The following ESYT2 variants were observed in gnomAD, a reference collection of about 807,000 sequenced individuals.
ESYT2 encodes extended synaptotagmin-2.
A neutral mutation model predicts 107.2 loss-of-function variants in ESYT2; 54 were observed. The ratio of observed to expected loss-of-function variants is 0.50; its 90% CI spans 0.40 to 0.63. The LOEUF (loss-of-function observed/expected upper bound fraction) is 0.63, where lower values mean the gene tolerates loss of function less well. Ranked by LOEUF, ESYT2 falls within the 30% of genes least tolerant of loss-of-function variation. ESYT2 has a pLI of 0.00. For synonymous variants in ESYT2, 491 were observed against 434.1 expected (o/e 1.13, Z -1.63); for missense variants, 1,020 against 1,094.5 (o/e 0.93, Z 0.96).
Position 158,743,691 on chromosome 7 carries a change from G to A in ESYT2, c.1645-13C>T, listed in dbSNP as rs1837295371. 1 of 1,603,746 alleles carries A rather than the reference G, an allele frequency of 6.2e-7. No individual in the cohort carries two copies. The highest frequency in any genetic ancestry group is 8.5e-7 in the Non-Finnish European group (1 of 1,177,010). ...GCTCGTCTCTGACCTGCAAAACACAGGGTGGAAACACTGGCATAACTAGGA... is the reference window on the plus strand; with the variant it reads ...GCTCGTCTCTGACCTGCAAAACACAAGGTGGAAACACTGGCATAACTAGGA... On this transcript the variant is annotated splice_polypyrimidine_tract_variant and intron_variant, in intron 16 of 22. Transcript: ENST00000275418.
chr7:158,809,583 T>C (rs1258248441), intron 1 of ESYT2, among the ~76,000 whole-genome samples: 1 of 151,174 alleles, frequency 6.6e-6, no homozygotes, highest in African/African-American at 2.4e-5. Flanking sequence ...CATGAAAAGA[T>C]GCTCAACATT....
chr7:158,809,474 C>CAA (rs67422901), intron 1 of ESYT2, among the ~76,000 whole-genome samples: 5,488 of 47,142 alleles, frequency 0.12, 445 homozygotes, highest in Admixed American at 0.13. Flanking sequence ...GAATCCATCT[C>CAA]AAAAAAAAAA....
chr7:158,743,695 G>A lies in ESYT2; in HGVS notation c.1645-17C>T, dbSNP rs757377293. 7 of 1,602,396 alleles carry A rather than the reference G, an allele frequency of 4.4e-6. No homozygotes were observed. The highest frequency in any genetic ancestry group is 3.5e-5 in the Admixed American group (2 of 56,994). ...GTCTCTGACCTGCAAAACACAGGGTGGAAACACTGGCATAACTAGGATCAT... is the reference window on the plus strand; with the variant it reads ...GTCTCTGACCTGCAAAACACAGGGTAGAAACACTGGCATAACTAGGATCAT... On this transcript the variant is annotated splice_polypyrimidine_tract_variant and intron_variant, in intron 16 of 22. Coordinates refer to ENST00000275418, the MANE Select transcript of ESYT2 (RefSeq NM_001367773.1).
At chr7:158,735,456 A>G in intron 21 of ESYT2, 47 bp downstream of exon 21, 1 of 1,540,390 alleles carries the variant, frequency 6.5e-7, no homozygotes, top group Non-Finnish European at 9.0e-7. Flanking sequence ...GTAAATGTTC[A>G]ATTTTACAAA....
intron 1 of ESYT2, among the ~76,000 whole-genome samples, chr7:158,801,503 G>T (rs1446028283): frequency 6.6e-6 from 1 of 152,120 alleles, no homozygotes. Flanking sequence ...ATAAACATTT[G>T]CTTATTTTGC....
At chr7:158,739,712 C>T (rs533291345) in intron 18 of ESYT2, among the ~76,000 whole-genome samples, 1 of 152,304 alleles carries the variant, frequency 6.6e-6, no homozygotes, top group East Asian at 1.9e-4. Context: ...CCACCCCACT[C>T]CCATGTGAGT....
chr7:158,743,460 C>A (rs1587375899), intron 17 of ESYT2, 69 bp downstream of exon 17: 1 of 1,551,808 alleles, frequency 6.4e-7, no homozygotes, highest in Non-Finnish European at 8.7e-7. Context: ...ATGCCCGGGG[C>A]CCATGAGTAT....
chr7:158,803,758 CGACAAA>C (rs1563030841), intron 1 of ESYT2, among the ~76,000 whole-genome samples: 1 of 150,762 alleles, frequency 6.6e-6, no homozygotes, highest in African/African-American at 2.4e-5. Flanking sequence ...GTGAGGCGCG[CGACAAA>C]CCCAAACCGC....
In ESYT2 at chr7:158,760,229, C is replaced by T. The variant is rs1243442039; in HGVS notation, c.1234-82G>A. 2.1e-5 allele frequency: 27 copies of T among 1,267,326 alleles called. No homozygotes were observed. The East Asian group carries it at 5.8e-4, about 27-fold the overall frequency. The allele number at this position is 1,267,326 out of a possible 1,614,324, so 78.5% of individuals were successfully genotyped here. On this transcript the variant is annotated intron_variant, in intron 11 of 22. Transcript: ENST00000275418. Reference sequence around the variant, plus strand: ...TTAAACCCAGTCTCTACAAATGTTCCATGCTGCTCACTAACCACGAGGCAT... The same window carrying T: ...TTAAACCCAGTCTCTACAAATGTTCTATGCTGCTCACTAACCACGAGGCAT...
intron 17 of ESYT2, 57 bp from the exon 18 acceptor site, chr7:158,741,953 A>C: frequency 6.7e-7 from 1 of 1,495,592 alleles, no homozygotes; most frequent in Non-Finnish European, 8.9e-7. Context: ...ACATCCTAAT[A>C]CTGGAACAGC....
intron 6 of ESYT2, among the ~76,000 whole-genome samples, chr7:158,781,965 G>A (rs1346291630): frequency 1.3e-5 from 1 of 79,280 alleles, no homozygotes; most frequent in Non-Finnish European, 2.6e-5. Context: ...GTGAACGAGT[G>A]TGAGAACAAA....
At chr7:158,793,775 AT>A (rs1402072966) in intron 3 of ESYT2, 49 bp from the exon 4 acceptor site, 2 of 1,381,188 alleles carry the variant, frequency 1.4e-6, no homozygotes, top group African/African-American at 1.4e-5. Flanking sequence ...AAAAAAAAAA[AT>A]CAAACCGTGT....
chr7:158,778,236 A>C (rs1472406262), intron 6 of ESYT2, among the ~76,000 whole-genome samples: 2 of 152,224 alleles, frequency 1.3e-5, no homozygotes, highest in African/African-American at 4.8e-5. Context: ...AGAAGTCTAC[A>C]ACATGGAATA....
At chr7:158,825,233 C>T (rs1193671970) in intron 1 of ESYT2, among the ~76,000 whole-genome samples, 6 of 152,166 alleles carry the variant, frequency 3.9e-5, no homozygotes, top group African/African-American at 1.4e-4. Flanking sequence ...GCAGAGGTTG[C>T]GGTGAGCCGA....
intron 19 of ESYT2, 45 bp from the exon 20 acceptor site, chr7:158,737,224 A>G (rs201924413): frequency 6.3e-7 from 1 of 1,592,978 alleles, no homozygotes; most frequent in African/African-American, 1.3e-5. Flanking sequence ...GACCGAGAAA[A>G]AGAGAATGAG....
intron 19 of ESYT2, 37 bp from the exon 20 acceptor site, chr7:158,737,216 C>T: frequency 6.3e-7 from 1 of 1,598,786 alleles, no homozygotes; most frequent in Middle Eastern, 1.7e-4. Flanking sequence ...GGTATTAGGA[C>T]CGAGAAAAAG....
Position 158,735,593 on chromosome 7 carries a change from A to C in ESYT2, c.2415T>G (p.Val805=). 6.2e-7 allele frequency: 1 copy of C among 1,613,814 alleles called. No homozygotes were observed. The highest frequency in any genetic ancestry group is 8.5e-7 in the Non-Finnish European group (1 of 1,179,756). The change falls in exon 21 of 23, where the codon GTT becomes GTG. Residue 805 remains valine (V), a synonymous_variant. Transcript: ENST00000275418. Reference sequence around the variant, plus strand: ...TTCTCCTCTGCACTTCTGGTAACGAAACACTGAAATCAAAGCTGAAATAGG... The same window carrying C: ...TTCTCCTCTGCACTTCTGGTAACGACACACTGAAATCAAAGCTGAAATAGG... ...PVFDQSFDFS[V]SLPEVQRRTL...
At chr7:158,781,825 T>G (rs1430755969) in intron 6 of ESYT2, among the ~76,000 whole-genome samples, 2 of 145,624 alleles carry the variant, frequency 1.4e-5, no homozygotes, top group East Asian at 2.1e-4. Context: ...GTGAGTGTAA[T>G]AACGAGAACA....
At chr7:158,793,498 T>C (rs1424765774) in intron 4 of ESYT2, 152 bp downstream of exon 4, 2 of 658,106 alleles carry the variant, frequency 3.0e-6, no homozygotes, top group East Asian at 5.5e-5. Context: ...ACCCAGAAGG[T>C]AAATAATATT....
Sources: gnomAD v4.1 joint callset for allele counts (sites outside exome capture counted in the v4.1 genomes callset) on GRCh38, gnomAD v4.1.1 for gene constraint, MANE v1.5 for transcripts, NCBI Gene and HGNC (gene_info 2026-07-23, HGNC 2026-07-21) for gene names.